ATR: variants seen among roughly 807,000 people sequenced by gnomAD.
ATR encodes serine/threonine-protein kinase ATR.
In ATR, 142 loss-of-function variants were observed where a neutral mutation model predicts 305.3. The observed-to-expected ratio is 0.47, with a 90% confidence interval of 0.41 to 0.53. ATR has a LOEUF of 0.53. ATR is among the 20% of genes least tolerant of loss of function. The pLI is 0.00. For synonymous variants in ATR, 1,050 were observed against 1,068.1 expected, an observed-to-expected ratio of 0.98 and a Z score of 0.33; for missense variants, 2,135 against 3,133.1, an observed-to-expected ratio of 0.68 and a Z score of 7.60.
rs555632473 is a variant in ATR, at chr3:142,505,988, A to C, written c.5032-685T>G. 3.9e-5 allele frequency among the ~76,000 whole-genome samples: 6 copies of C among 152,342 alleles called. No homozygotes were observed. In the East Asian group the frequency reaches 1.2e-3, roughly 29 times the overall value. On this transcript the variant is annotated intron_variant, in intron 28 of 46. Coordinates refer to ENST00000350721, the MANE Select transcript of ATR (RefSeq NM_001184.4). ...AAAGCAAATGATGTCTTAATGAGAA[A>C]GGCATGGTCAATGATACTGAGGTTA...
chr3:142,556,486 C>T lies in ATR; in HGVS notation c.1975G>A (p.Ala659Thr), dbSNP rs758152041. 2 of 1,613,904 alleles carry T rather than the reference C, an allele frequency of 1.2e-6. No homozygotes were observed. Among genetic ancestry groups the T allele is most frequent in the Non-Finnish European group, 1.7e-6 (2 of 1,179,928 alleles). Residue 659 changes from alanine (A) to threonine (T), a missense_variant, in exon 9 of 47, where the codon GCC (alanine) becomes ACC (threonine). By Grantham distance (58) the Ala-to-Thr change is moderately conservative. Coordinates refer to ENST00000350721, the MANE Select transcript of ATR (RefSeq NM_001184.4). Reference sequence around the variant, plus strand: ...ATTACTTCATGGGAGCTCTGCAGGGCCCAGTTGTAAACTGCTGTTCTCCAC... The same window carrying T: ...ATTACTTCATGGGAGCTCTGCAGGGTCCAGTTGTAAACTGCTGTTCTCCAC... ...LEWRTAVYNW[A>T]LQSSHEVIRA...
intron 16 of ATR, among the ~76,000 whole-genome samples, chr3:142,543,456 TCCTC>T (rs1559979620): frequency 1.4e-5 from 2 of 147,142 alleles, no homozygotes; most frequent in Admixed American, 6.7e-5. Context: ...CTCCCTCCTT[TCCTC>T]CCTCCCTCCT....
rs1369370730 is a variant in ATR, at chr3:142,465,034, T to C, written c.7041+63A>G. 7.1e-6 allele frequency: 8 copies of C among 1,127,678 alleles called. No homozygotes were observed. The South Asian group carries it at 1.7e-4, about 24-fold the overall frequency. 69.9% of individuals were successfully genotyped at this position (1,127,678 alleles called of 1,614,324 possible). A position where few individuals can be genotyped will look rare whatever the true frequency, so the allele number is the denominator to read the frequency against. ...AAATAAAAGCAATCTGGTTTTATAA[T>C]AGTCAAAAATTTTTTTAAAATAAAA... On this transcript the variant is annotated intron_variant, in intron 41 of 46. Transcript: ENST00000350721.
intron 45 of ATR, among the ~76,000 whole-genome samples, chr3:142,453,523 A>G (rs1447174685): frequency 3.9e-5 from 6 of 152,180 alleles, no homozygotes; most frequent in Non-Finnish European, 7.3e-5. Flanking sequence ...GTAAATGACT[A>G]TATTTTGAAT....
intron 35 of ATR, among the ~76,000 whole-genome samples, chr3:142,490,184 G>A (rs1412766925): frequency 6.6e-6 from 1 of 152,046 alleles, no homozygotes; most frequent in Non-Finnish European, 1.5e-5. Context: ...TTAGCCTCCC[G>A]AATAGCTAAA....
chr3:142,539,163 T>C (rs1040745158), intron 18 of ATR, among the ~76,000 whole-genome samples: 4 of 152,206 alleles, frequency 2.6e-5, no homozygotes, highest in Non-Finnish European at 5.9e-5. Flanking sequence ...CTATTCTTTA[T>C]AAAAATTTTC....
At chr3:142,563,805 C>T (rs1461542569) in intron 3 of ATR, among the ~76,000 whole-genome samples, 4 of 152,180 alleles carry the variant, frequency 2.6e-5, no homozygotes, top group Admixed American at 6.5e-5. Flanking sequence ...AAACAACCAA[C>T]TTGTTAAAAC....
intron 36 of ATR, among the ~76,000 whole-genome samples, chr3:142,482,340 T>C (rs1481084939): frequency 6.6e-6 from 1 of 152,204 alleles, no homozygotes; most frequent in Non-Finnish European, 1.5e-5. Flanking sequence ...CTACTATGGA[T>C]AGAAACAGGT....
At chr3:142,451,417 T>C in intron 46 of ATR, 1 of 1,483,344 alleles carries the variant, frequency 6.7e-7, no homozygotes, top group Non-Finnish European at 9.1e-7. Context: ...CCTAGAAATA[T>C]TTTTCTTCAT....
chr3:142,498,790 A>T lies in ATR; in HGVS notation c.5381-16T>A. 1 of 1,613,280 alleles carries T rather than the reference A, an allele frequency of 6.2e-7. No individual in the cohort carries two copies. The highest frequency in any genetic ancestry group is 8.5e-7 in the Non-Finnish European group (1 of 1,179,382). The stretch of plus-strand genomic sequence containing the variant: ...GATTTTCCATCTGAAAAACAAATGA[A>T]GAGTCAAGAAATGTCACGGTAGCTG... On this transcript the variant is annotated splice_polypyrimidine_tract_variant and intron_variant, in intron 31 of 46. Transcript: ENST00000350721.
chr3:142,524,384 C>T (rs1032620026), intron 21 of ATR, among the ~76,000 whole-genome samples, 185 bp from the exon 22 acceptor site: 8 of 152,060 alleles, frequency 5.3e-5, no homozygotes, highest in Non-Finnish European at 7.4e-5. Flanking sequence ...ACAATATGTC[C>T]TGTACAATTA....
rs1481964458 is a variant in ATR at position 142,450,807 on chromosome 3, C to G, written c.7762-1205G>C. 11 of 1,404,424 alleles carry G rather than the reference C, an allele frequency of 7.8e-6. No individual in the cohort carries two copies. The South Asian group carries it at 1.6e-4, about 20-fold the overall frequency. The allele number at this position is 1,404,424 out of a possible 1,614,324, so 87.0% of individuals were successfully genotyped here. On this transcript the variant is annotated intron_variant, in intron 46 of 46. Coordinates refer to ENST00000350721, the MANE Select transcript of ATR (RefSeq NM_001184.4). ...CGTGGACAGAACATGTTCAAGTGGT[C>G]CAACCACAAGCAGACAGAGCTTCCG...
chr3:142,528,875 ATATATTTTT>A (rs1373983403), intron 21 of ATR, among the ~76,000 whole-genome samples: 55 of 46,622 alleles, frequency 1.2e-3, no homozygotes, highest in African/African-American at 7.2e-3. Context: ...ATATATATAT[ATATATTTTT>A]TTTTTTTTTT....
chr3:142,549,342 T>C (rs1273697787), intron 15 of ATR, 137 bp downstream of exon 15: 2 of 598,194 alleles, frequency 3.3e-6, no homozygotes, highest in Non-Finnish European at 2.7e-6. Context: ...AAAGATTATT[T>C]AACATAACAA....
chr3:142,543,485 CCCT>C (rs2034138559), intron 16 of ATR, among the ~76,000 whole-genome samples: 2 of 147,862 alleles, frequency 1.4e-5, no homozygotes, highest in Admixed American at 1.3e-4. Flanking sequence ...TTCCATTCCT[CCCT>C]CCTTTGCTTC....
chr3:142,535,246 T>C (rs377051170), intron 20 of ATR, 41 bp from the exon 21 acceptor site: 126 of 1,609,866 alleles, frequency 7.8e-5, no homozygotes, highest in Non-Finnish European at 9.4e-5. Flanking sequence ...ATTAATCAAC[T>C]ATTTTAACAA....
chr3:142,510,764 G>A (rs1406903868), intron 27 of ATR, among the ~76,000 whole-genome samples: 1 of 151,686 alleles, frequency 6.6e-6, no homozygotes, highest in African/African-American at 2.4e-5. Flanking sequence ...AACAGCTAAG[G>A]TATAAGGCCA....
At chr3:142,571,659 A>G (rs2035266546) in intron 1 of ATR, among the ~76,000 whole-genome samples, 1 of 152,218 alleles carries the variant, frequency 6.6e-6, no homozygotes, top group Non-Finnish European at 1.5e-5. Flanking sequence ...TATAAATAAT[A>G]GCATATATTT....
chr3:142,469,267 T>C, intron 38 of ATR, 70 bp downstream of exon 38: 1 of 1,260,240 alleles, frequency 7.9e-7, no homozygotes, highest in East Asian at 2.4e-5. Context: ...TACATATTAG[T>C]ATTACATAAT....
Sources: allele counts gnomAD v4.1 joint callset (sites outside exome capture counted in the v4.1 genomes callset), GRCh38; gene constraint gnomAD v4.1.1; transcripts MANE v1.5; gene names NCBI Gene and HGNC (gene_info 2026-07-23, HGNC 2026-07-21).